NEGR1: variants seen among roughly 807,000 people sequenced by gnomAD.
NEGR1 encodes neuronal growth regulator 1.
NEGR1 carries 10 observed loss-of-function variants against 40.9 expected under a neutral mutation model. That is an observed-to-expected ratio of 0.24 (90% CI 0.15 to 0.42). NEGR1 has a LOEUF of 0.42. Ranked by LOEUF, NEGR1 falls within the 10% of genes least tolerant of loss-of-function variation. The probability of loss-of-function intolerance (pLI) is 1.00; values close to 1 mark genes in which losing one functional copy is unlikely to be tolerated. For missense variants in NEGR1, 352 were observed against 438.9 expected (o/e 0.80, Z 1.77); for synonymous variants, 185 against 166.8 (o/e 1.11, Z -0.84).
chr1:71,671,525 G>A (rs1652431108), intron 4 of NEGR1, among the ~76,000 whole-genome samples: 1 of 152,054 alleles, frequency 6.6e-6, no homozygotes, highest in African/African-American at 2.4e-5. Context: ...ATTGTAAAGG[G>A]AAAAAACTAT....
intron 1 of NEGR1, chr1:72,100,666 C>G (rs1648899299): frequency 6.6e-6 from 1 of 152,150 alleles, no homozygotes. Context: ...ATGAGTGTCT[C>G]ATATGATAGG....
intron 2 of NEGR1, among the ~76,000 whole-genome samples, chr1:71,898,588 C>G (rs1661036834): frequency 6.6e-6 from 1 of 152,080 alleles, no homozygotes; most frequent in East Asian, 1.9e-4. Flanking sequence ...GCACTCCAGC[C>G]TGGGCGACAG....
At chr1:71,744,284 CATAT>C (rs147978120) in intron 3 of NEGR1, among the ~76,000 whole-genome samples, 18 of 137,178 alleles carry the variant, frequency 1.3e-4, no homozygotes, top group Admixed American at 2.2e-4. Flanking sequence ...TGACAAATAA[CATAT>C]ATATATATAT....
At chr1:71,651,893 AC>A (rs34050800) in intron 4 of NEGR1, among the ~76,000 whole-genome samples, 5,577 of 152,146 alleles carry the variant, frequency 0.037, 134 homozygotes, top group African/African-American at 0.072. Flanking sequence ...AACTTTCCAT[AC>A]TGAAATTTAT....
chr1:71,705,736 G>T (rs1163085518), intron 3 of NEGR1, among the ~76,000 whole-genome samples: 1 of 136,548 alleles, frequency 7.3e-6, no homozygotes, highest in Non-Finnish European at 1.6e-5. Context: ...AGAAAGAAAA[G>T]AAAAGAAAGA....
rs532021989 is a variant in NEGR1, at chr1:71,569,519, C to T, written c.940+23298G>A. On this transcript the variant is annotated intron_variant, in intron 6 of 6. Transcript: ENST00000357731. ...TTGTTGTTGAAATAATCTGGCATCT[C>T]TTCTGTAAAAATATCCTTTAAAAAG... 1.0e-3 allele frequency among the ~76,000 whole-genome samples: 153 copies of T among 152,232 alleles called. 1 individual carries two copies. Among genetic ancestry groups the T allele is most frequent in the South Asian group, 2.7e-3 (13 of 4,812 alleles).
At chr1:72,063,527 T>C (rs536042477) in intron 1 of NEGR1, among the ~76,000 whole-genome samples, 4 of 152,008 alleles carry the variant, frequency 2.6e-5, no homozygotes, top group South Asian at 2.1e-4. Context: ...TTATGCACAG[T>C]GTACTGGAAA....
intron 6 of NEGR1, among the ~76,000 whole-genome samples, chr1:71,560,037 T>C (rs1648395407): frequency 6.6e-6 from 1 of 151,320 alleles, no homozygotes; most frequent in Non-Finnish European, 1.5e-5. Flanking sequence ...CTAGTGCACA[T>C]GATTGTCAAC....
At chr1:72,269,953 T>C (rs1257138710) in intron 1 of NEGR1, among the ~76,000 whole-genome samples, 1 of 151,846 alleles carries the variant, frequency 6.6e-6, no homozygotes, top group Admixed American at 6.6e-5. Flanking sequence ...ACTGTAGACT[T>C]AGAAGCTAAA....
intron 2 of NEGR1, among the ~76,000 whole-genome samples, chr1:71,852,840 A>C (rs1452133199): frequency 6.6e-6 from 1 of 152,020 alleles, no homozygotes; most frequent in East Asian, 1.9e-4. Flanking sequence ...AATAATCAGA[A>C]GGAATTTGCT....
intron 2 of NEGR1, among the ~76,000 whole-genome samples, chr1:71,930,633 G>T (rs190151398): frequency 6.6e-6 from 1 of 152,130 alleles, no homozygotes; most frequent in East Asian, 1.9e-4. Flanking sequence ...CTTTATAAAG[G>T]CTTTCTCAAA....
chr1:71,596,292 T>C (rs1247858014), intron 5 of NEGR1, among the ~76,000 whole-genome samples: 1 of 152,234 alleles, frequency 6.6e-6, no homozygotes, highest in Admixed American at 6.5e-5. Flanking sequence ...CTCTCGCTCC[T>C]CTTCTCCCTT....
At chr1:71,601,757 G>C (rs1444093160) in intron 5 of NEGR1, among the ~76,000 whole-genome samples, 3 of 152,034 alleles carry the variant, frequency 2.0e-5, no homozygotes, top group Non-Finnish European at 4.4e-5. Context: ...TTAAAAAATG[G>C]GTACACATGG....
chr1:71,626,662 A>G (rs1426727955), intron 4 of NEGR1, among the ~76,000 whole-genome samples: 2 of 152,098 alleles, frequency 1.3e-5, no homozygotes, highest in Non-Finnish European at 2.9e-5. Context: ...TAAACTAAAG[A>G]ACTTCTGCAC....
intron 1 of NEGR1, among the ~76,000 whole-genome samples, chr1:72,092,320 T>C (rs915983248): frequency 3.3e-5 from 5 of 152,108 alleles, no homozygotes; most frequent in Non-Finnish European, 7.4e-5. Flanking sequence ...TAGTCAATGT[T>C]CTCTCTCTAC....
At chr1:71,707,914 C>T (rs1653959589) in intron 3 of NEGR1, among the ~76,000 whole-genome samples, 1 of 152,112 alleles carries the variant, frequency 6.6e-6, no homozygotes, top group Non-Finnish European at 1.5e-5. Flanking sequence ...GGCAATTCCT[C>T]TAAGAGTCTG....
intron 3 of NEGR1, among the ~76,000 whole-genome samples, chr1:71,726,918 G>T (rs1201589939): frequency 1.3e-5 from 2 of 151,958 alleles, no homozygotes; most frequent in African/African-American, 4.8e-5. Flanking sequence ...AATCCTTCAG[G>T]TATGCTTCCC....
chr1:72,222,321 C>A (rs2100484690), intron 1 of NEGR1, among the ~76,000 whole-genome samples: 1 of 152,288 alleles, frequency 6.6e-6, no homozygotes. Flanking sequence ...TAGCTGCAAG[C>A]ACGCTCATGG....
At chr1:72,041,599 A>G (rs945917361) in intron 1 of NEGR1, among the ~76,000 whole-genome samples, 2 of 150,988 alleles carry the variant, frequency 1.3e-5, no homozygotes, top group African/African-American at 4.8e-5. Context: ...TCAAGAGAAC[A>G]GTCAAATATG....
Sources: allele counts gnomAD v4.1 joint callset (sites outside exome capture counted in the v4.1 genomes callset), GRCh38; gene constraint gnomAD v4.1.1; transcripts MANE v1.5; gene names NCBI Gene and HGNC (gene_info 2026-07-23, HGNC 2026-07-21).